PIGR: variants seen among roughly 807,000 people sequenced by gnomAD.
PIGR encodes the protein polymeric immunoglobulin receptor.
PIGR carries 22 observed loss-of-function variants against 69.5 expected under a neutral mutation model. The observed-to-expected ratio is 0.32, with a 90% confidence interval of 0.23 to 0.45. PIGR has a LOEUF of 0.45. PIGR is among the 20% of genes least tolerant of loss of function. PIGR has a pLI of 1.00. For missense variants in PIGR, 885 were observed against 974.0 expected, an observed-to-expected ratio of 0.91 and a Z score of 1.22; for synonymous variants, 413 against 407.6, an observed-to-expected ratio of 1.01 and a Z score of -0.16.
intron 7 of PIGR, 105 bp from the exon 8 acceptor site, chr1:206,932,682 C>G: frequency 7.5e-7 from 1 of 1,340,704 alleles, no homozygotes; most frequent in Non-Finnish European, 1.0e-6. Context: ...GTTTATCCAC[C>G]CCACCCTGCT....
intron 3 of PIGR, 63 bp downstream of exon 3, chr1:206,939,056 C>T (rs924907268): frequency 1.6e-5 from 22 of 1,414,878 alleles, no homozygotes; most frequent in Non-Finnish European, 2.1e-5. Context: ...CTCAAGCCCT[C>T]CATGCACCTT....
rs756946582 is a variant in PIGR at position 206,932,473 on chromosome 1, C to T, written c.1991G>A (p.Arg664Gln). The T allele has an allele frequency of 9.3e-6, 15 of 1,612,056 alleles. No homozygotes were observed. Among genetic ancestry groups the T allele is most frequent in the African/African-American group, 8.0e-5 (6 of 74,884 alleles). Reference protein sequence around the residue: ...GAVAVGVARARHRKNVDRVSI... With the variant: ...GAVAVGVARAQHRKNVDRVSI... ...GGACTCACCGACGTTCTTCCTGTGC[C>T]GGGCTCTGGCCACCCCCACAGCCAC... The change falls in exon 8 of 11, where the codon CGG becomes CAG. Residue 664 changes from arginine (R) to glutamine (Q), a missense_variant. Physicochemically the swap from Arg to Gln is conservative, Grantham distance 43 (BLOSUM62 1). Coordinates refer to ENST00000356495, the MANE Select transcript of PIGR (RefSeq NM_002644.4).
intron 10 of PIGR, 30 bp downstream of exon 10, chr1:206,931,467 A>G (rs1431912389): frequency 3.7e-6 from 6 of 1,612,950 alleles, no homozygotes; most frequent in African/African-American, 1.3e-5. Flanking sequence ...TTTCTTTGTC[A>G]TGTAGTGGGG....
chr1:206,935,422 G>A lies in PIGR; in HGVS notation c.1378+64C>T. On this transcript the variant is annotated intron_variant, in intron 5 of 10. Transcript: ENST00000356495. This position sits in a 1 kb window ranked among gnomAD's most constrained non-coding sequence, Gnocchi z 4.4. Reference sequence around the variant, plus strand: ...AGGCGGGTGAAAAAGGAGGAAGAGTGGTTGGGGATGCTGCTGCTGGCTGGA... The same window carrying A: ...AGGCGGGTGAAAAAGGAGGAAGAGTAGTTGGGGATGCTGCTGCTGGCTGGA... 7.4e-7 allele frequency: 1 copy of A among 1,358,116 alleles called. No homozygotes were observed. The allele number at this position is 1,358,116 out of a possible 1,614,324, so 84.1% of individuals were successfully genotyped here.
At position 206,942,811 on chromosome 1, in the gene PIGR, C is replaced by T. The variant is rs377740402; in HGVS notation, c.-53-2227G>A. Among the ~76,000 whole-genome samples the T allele has an allele frequency of 3.9e-5, 6 of 152,258 alleles. No individual in the cohort carries two copies. In the South Asian group the frequency reaches 1.2e-3, roughly 32 times the overall value. On this transcript the variant is annotated intron_variant, in intron 1 of 10. Transcript: ENST00000356495. ...CCATTACCCTCTGCATGGTCTCAAG[C>T]CAGGGATGAGAGCATCAGGCATGCA...
chr1:206,938,977 T>G, intron 3 of PIGR, 142 bp downstream of exon 3: 1 of 668,680 alleles, frequency 1.5e-6, no homozygotes. Context: ...GTTAAAGAAG[T>G]CTTTGCCTGG....
rs150466415 is a variant in PIGR at position 206,937,396 on chromosome 1, G to T, written c.744C>A (p.Asp248Glu). 1 of 1,613,956 alleles carries T rather than the reference G, an allele frequency of 6.2e-7. No homozygotes were observed. Among genetic ancestry groups the T allele is most frequent in the Non-Finnish European group, 8.5e-7 (1 of 1,179,970 alleles). ...LKPEPELVYE[D>E]LRGSVTFHCA... is the part of the protein sequence containing the mutation. The stretch of plus-strand genomic sequence containing the variant: ...AGTGGAAGGTCACTGAGCCCCTCAG[G>T]TCTTCATAAACCAGCTCGGGCTCGG... Residue 248 changes from aspartate (D) to glutamate (E), a missense_variant, in exon 4 of 11, where the codon GAC becomes GAA. Coordinates refer to ENST00000356495, the MANE Select transcript of PIGR (RefSeq NM_002644.4).
intron 4 of PIGR, among the ~76,000 whole-genome samples, chr1:206,936,831 T>C (rs1679870231): frequency 6.6e-6 from 1 of 152,198 alleles, no homozygotes; most frequent in South Asian, 2.1e-4. Context: ...TCAAGAGCTT[T>C]ACTCACCTCT....
Position 206,931,810 on chromosome 1 carries a change from G to A in PIGR, c.2009-8C>T, listed in dbSNP as rs1309362532. 6.2e-7 allele frequency: 1 copy of A among 1,614,036 alleles called. No individual in the cohort carries two copies. On this transcript the variant is annotated splice_polypyrimidine_tract_variant and splice_region_variant and intron_variant, in intron 8 of 10. Coordinates refer to ENST00000356495, the MANE Select transcript of PIGR (RefSeq NM_002644.4). ...TTCTGATTGAAACTCGGTCTGTCCG[G>A]GAGGAAGAGGAGTTGGTGTAAGGAC...
chr1:206,929,069 C>CAAAAAAAAAA lies in PIGR; in HGVS notation c.*1239_*1248dup, dbSNP rs34687571. 1.2e-5 allele frequency: 1 copy of CAAAAAAAAAA among 83,840 alleles called. No homozygotes were observed. The highest frequency in any genetic ancestry group is 2.4e-5 in the Non-Finnish European group (1 of 42,488). 5.2% of individuals were successfully genotyped at this position (83,840 alleles called of 1,614,324 possible). ...TCAACATGGCGAAACCCTGTCTCTA[C>CAAAAAAAAAA]AAAAAAAAAAAAAAAAAAAAAAAAT... On this transcript the variant is annotated 3_prime_UTR_variant, in exon 11 of 11. Transcript: ENST00000356495.
At chr1:206,942,465 GGGTGGGTGCAGTCACA>G in intron 1 of PIGR, among the ~76,000 whole-genome samples, 1 of 152,246 alleles carries the variant, frequency 6.6e-6, no homozygotes, top group Non-Finnish European at 1.5e-5. Context: ...TGCTGGCACA[GGGTGGGTGCAGTCACA>G]GGTGGGAGGA....
Position 206,930,480 on chromosome 1 carries a change from G to A in PIGR, c.2200-67C>T, listed in dbSNP as rs1679716123. On this transcript the variant is annotated intron_variant, in intron 10 of 10. Transcript: ENST00000356495. The surrounding 1 kb of genome is among the most constrained non-coding windows in gnomAD (Gnocchi z 4.3). The stretch of plus-strand genomic sequence containing the variant: ...CTCAGTGGGTGGAGTCAGGGGAGGG[G>A]AGGTGCTTAATGTCCTGAATTCGTG... 1 of 1,541,540 alleles carries A rather than the reference G, an allele frequency of 6.5e-7. No homozygotes were observed.
At position 206,938,887 on chromosome 1, in the gene PIGR, G is replaced by A. The variant is rs147688426; in HGVS notation, c.388+232C>T. ...CCTTCTAAGCTGGGGTCTCCAGAAAGCCTAAAATGTTATAGGCCACCAAGT... is the reference window on the plus strand; with the variant it reads ...CCTTCTAAGCTGGGGTCTCCAGAAAACCTAAAATGTTATAGGCCACCAAGT... On this transcript the variant is annotated intron_variant, in intron 3 of 10. Coordinates refer to ENST00000356495, the MANE Select transcript of PIGR (RefSeq NM_002644.4). Among the ~76,000 whole-genome samples the A allele has an allele frequency of 2.9e-3, 434 of 152,240 alleles. 4 individuals carry two copies. The highest frequency in any genetic ancestry group is 9.9e-3 in the African/African-American group (412 of 41,536).
rs1572639793 is a variant in PIGR at position 206,929,187 on chromosome 1, G to C, written c.*1131C>G. The C allele has an allele frequency of 6.6e-6, 1 of 152,098 alleles. No homozygotes were observed. The highest frequency in any genetic ancestry group is 2.4e-5 in the African/African-American group (1 of 41,388). 9.4% of individuals were successfully genotyped at this position (152,098 alleles called of 1,614,324 possible). On this transcript the variant is annotated 3_prime_UTR_variant, in exon 11 of 11. Coordinates refer to ENST00000356495, the MANE Select transcript of PIGR (RefSeq NM_002644.4). ...GAACCTGGAAGGCAGAGGTTTCAGT[G>C]AGCCGAGATTGTGTCACTGCATTCC... is the stretch of plus-strand genomic sequence containing the variant.
In PIGR at chr1:206,935,499, G is replaced by T; in HGVS notation, c.1365C>A (p.Ile455=). 1.2e-6 allele frequency: 2 copies of T among 1,610,626 alleles called. No homozygotes were observed. The highest frequency in any genetic ancestry group is 1.3e-5 in the African/African-American group (1 of 74,978). ...GDTLWRTTVE[I]KIIEGEPNLK... Reference sequence around the variant, plus strand: ...GTCAACTCCTACCTTCGATAATCTTGATCTCCACGGTGGTCCTCCAGAGAG... The same window carrying T: ...GTCAACTCCTACCTTCGATAATCTTTATCTCCACGGTGGTCCTCCAGAGAG... Residue 455 remains isoleucine (I), a synonymous_variant, in exon 5 of 11, where the codon ATC becomes ATA. Transcript: ENST00000356495. The surrounding 1 kb of genome is among the most constrained non-coding windows in gnomAD (Gnocchi z 4.4).
Position 206,930,068 on chromosome 1 carries a change from G to T in PIGR, c.*250C>A, listed in dbSNP as rs1299997603. The T allele has an allele frequency of 2.4e-6, 1 of 411,334 alleles. No individual in the cohort carries two copies. The highest frequency in any genetic ancestry group is 3.7e-5 in the East Asian group (1 of 26,916). 25.5% of individuals were successfully genotyped at this position (411,334 alleles called of 1,614,324 possible). On this transcript the variant is annotated 3_prime_UTR_variant, in exon 11 of 11. Coordinates refer to ENST00000356495, the MANE Select transcript of PIGR (RefSeq NM_002644.4). The surrounding 1 kb of genome is among the most constrained non-coding windows in gnomAD (Gnocchi z 4.3). ...CCCATGAGGACCTCTATTCTTCTCCGTACCTGAGGTTCTCTCAACAGAAAG... is the reference window on the plus strand; with the variant it reads ...CCCATGAGGACCTCTATTCTTCTCCTTACCTGAGGTTCTCTCAACAGAAAG...
intron 7 of PIGR, 149 bp from the exon 8 acceptor site, chr1:206,932,726 C>G: frequency 9.5e-7 from 1 of 1,056,604 alleles, no homozygotes; most frequent in Non-Finnish European, 1.3e-6. Flanking sequence ...TTCTAAGAAG[C>G]CTTCCCAGAC....
rs145781175 is a variant in PIGR at position 206,934,711 on chromosome 1, C to T, written c.1414G>A (p.Ala472Thr). ...ACCTTGAGAGTCTCTCCCAGCACAG[C>T]CGTGACATTCCCTGGTACCTTGAGG... The part of the protein sequence containing the change: ...PNLKVPGNVT[A>T]VLGETLKVPC... The change falls in exon 6 of 11, where the codon GCT becomes ACT. Residue 472 changes from alanine (A) to threonine (T), a missense_variant. Physicochemically the swap from Ala to Thr is moderately conservative, Grantham distance 58 (BLOSUM62 0). Coordinates refer to ENST00000356495, the MANE Select transcript of PIGR (RefSeq NM_002644.4). 1,991 of 1,610,144 alleles carry T rather than the reference C, an allele frequency of 1.2e-3. 6 individuals are homozygous for T. Among genetic ancestry groups the T allele is most frequent in the Middle Eastern group, 1.8e-3 (11 of 6,062 alleles).
Position 206,930,192 on chromosome 1 carries a change from G to A in PIGR, c.*126C>T, listed in dbSNP as rs1679705352. The A allele has an allele frequency of 2.8e-6, 2 of 716,910 alleles. No homozygotes were observed. 44.4% of individuals were successfully genotyped at this position (716,910 alleles called of 1,614,324 possible). ...GAGGAGGGGACCAGCACGCCTCTGA[G>A]GACAGTAGGAAAAACCTAGGCAGGT... On this transcript the variant is annotated 3_prime_UTR_variant, in exon 11 of 11. Transcript: ENST00000356495. The surrounding 1 kb of genome is among the most constrained non-coding windows in gnomAD (Gnocchi z 4.3).
Sources: allele counts gnomAD v4.1 joint callset (sites outside exome capture counted in the v4.1 genomes callset), GRCh38; gene constraint gnomAD v4.1.1; non-coding constraint Gnocchi (gnomAD v3.1); transcripts MANE v1.5; gene names NCBI Gene and HGNC (gene_info 2026-07-23, HGNC 2026-07-21).